The following ZNF439 variants were observed in gnomAD, a reference collection of about 807,000 sequenced individuals.
ZNF439 encodes zinc finger protein 439.
A neutral mutation model predicts 47.3 loss-of-function variants in ZNF439; 40 were observed. The observed-to-expected ratio is 0.85, with a 90% CI of 0.66 to 1.10. ZNF439 has a LOEUF of 1.10. Among genes scored for constraint, ZNF439 ranks in the 50% least tolerant of loss-of-function variants. ZNF439 has a pLI of 0.00. For missense variants in ZNF439, 556 were observed against 601.1 expected, an observed-to-expected ratio of 0.93 and a Z score of 0.78; for synonymous variants, 171 against 198.8, an observed-to-expected ratio of 0.86 and a Z score of 1.18.
chr19:11,861,537 T>G (rs73920390), intron 1 of ZNF439, among the ~76,000 whole-genome samples: 2,714 of 152,200 alleles, frequency 0.018, 67 homozygotes, highest in African/African-American at 0.063. Context: ...TTCTCTGAGT[T>G]CTCAGCTTCT....
intron 1 of ZNF439, among the ~76,000 whole-genome samples, chr19:11,854,748 C>G (rs956125219): frequency 6.6e-6 from 1 of 151,162 alleles, no homozygotes; most frequent in African/African-American, 2.4e-5. Context: ...CAGAGCAAGG[C>G]TCTGTCTCAA....
rs1976148422 is a variant in ZNF439 at position 11,848,935 on chromosome 19, G to A, written c.63+5G>A. 1 of 1,562,404 alleles carries A rather than the reference G, an allele frequency of 6.4e-7. No individual in the cohort carries two copies. The highest frequency in any genetic ancestry group is 1.7e-5 in the Admixed American group (1 of 58,146). On this transcript the variant is annotated splice_donor_5th_base_variant and intron_variant, in intron 1 of 3. Transcript: ENST00000682736. Reference sequence around the variant, plus strand: ...ACATCTGAAAGCCGGGAAATGGTGCGTGTGCTGGCCGGGAGTGGTGCGATG... The same window carrying A: ...ACATCTGAAAGCCGGGAAATGGTGCATGTGCTGGCCGGGAGTGGTGCGATG...
intron 1 of ZNF439, chr19:11,849,295 TG>T (rs1976164845): frequency 2.3e-5 from 23 of 1,006,070 alleles, no homozygotes; most frequent in Non-Finnish European, 2.6e-5. Context: ...CACTTTCTCC[TG>T]TTAAAAATTA....
chr19:11,863,152 C>CTTTTTTTTT (rs34655587), intron 1 of ZNF439, among the ~76,000 whole-genome samples: 14 of 90,060 alleles, frequency 1.6e-4, no homozygotes, highest in East Asian at 2.8e-4. Flanking sequence ...AAAGATTTTG[C>CTTTTTTTTT]TTTTTTTTTT....
chr19:11,860,655 C>G (rs187293911), intron 1 of ZNF439, among the ~76,000 whole-genome samples: 4 of 152,254 alleles, frequency 2.6e-5, no homozygotes, highest in Admixed American at 2.0e-4. Context: ...GTCGGGGGCA[C>G]CTTGCTTCTA....
In ZNF439 at chr19:11,848,744, G is replaced by T. The variant is rs1361551763; in HGVS notation, c.-124G>T. ...CCTGCCCACTGTGCATCCAGGCACG[G>T]AGGATGTTGCATTCCTGCCGTCACC... On this transcript the variant is annotated 5_prime_UTR_variant, in exon 1 of 4. Coordinates refer to ENST00000682736, the MANE Select transcript of ZNF439 (RefSeq NM_001348719.2). The T allele has an allele frequency of 3.3e-6, 4 of 1,222,908 alleles. No homozygotes were observed. The highest frequency in any genetic ancestry group is 3.3e-4 in the Middle Eastern group (1 of 2,986). 75.8% of individuals were successfully genotyped at this position (1,222,908 alleles called of 1,614,324 possible). A position where few individuals can be genotyped will look rare whatever the true frequency, so the allele number is the denominator to read the frequency against.
chr19:11,862,353 G>GA (rs1293525707), intron 1 of ZNF439, among the ~76,000 whole-genome samples: 1 of 151,852 alleles, frequency 6.6e-6, no homozygotes, highest in Non-Finnish European at 1.5e-5. Context: ...AGACTGAGGT[G>GA]AGAAGATTGC....
rs1976752766 is a variant in ZNF439 at position 11,868,064 on chromosome 19, G to C, written c.1010G>C (p.Gly337Ala). Residue 337 changes from glycine (G) to alanine (A), a missense_variant, in exon 4 of 4, where the codon GGG (glycine) becomes GCG (alanine). Coordinates refer to ENST00000682736, the MANE Select transcript of ZNF439 (RefSeq NM_001348719.2). The stretch of plus-strand genomic sequence containing the variant: ...AAACTTTATGAATGTAAGCAGTGTG[G>C]GAAAGCATTATCCTCTCTTACAAGT... ...RKKLYECKQC[G>A]KALSSLTSFQ... 1 of 1,614,036 alleles carries C rather than the reference G, an allele frequency of 6.2e-7. No individual in the cohort carries two copies. Among genetic ancestry groups the C allele is most frequent in the Non-Finnish European group, 8.5e-7 (1 of 1,180,034 alleles).
Position 11,852,319 on chromosome 19 carries a change from T to C in ZNF439, c.63+3389T>C, listed in dbSNP as rs190587626. ...AAAGAGGGAAAGGGTCTTTCCTGTT[T>C]CCCTTCAGTCATTTACAACATTTTA... On this transcript the variant is annotated intron_variant, in intron 1 of 3. Transcript: ENST00000682736. 1.6e-4 allele frequency among the ~76,000 whole-genome samples: 25 copies of C among 152,278 alleles called. No individual in the cohort carries two copies. The East Asian group carries it at 4.8e-3, about 29-fold the overall frequency.
intron 1 of ZNF439, chr19:11,857,347 T>C (rs1353289095): frequency 6.6e-6 from 1 of 152,214 alleles, no homozygotes; most frequent in Non-Finnish European, 1.5e-5. Context: ...AATAATTGCG[T>C]CTGGATCATA....
chr19:11,857,316 T>A (rs969494845), intron 1 of ZNF439: 1 of 152,254 alleles, frequency 6.6e-6, no homozygotes, highest in African/African-American at 2.4e-5. Flanking sequence ...CTGTGGCCTG[T>A]TGTTGGGAAT....
At chr19:11,862,401 G>A (rs949149938) in intron 1 of ZNF439, among the ~76,000 whole-genome samples, 1 of 151,966 alleles carries the variant, frequency 6.6e-6, no homozygotes, top group South Asian at 2.1e-4. Flanking sequence ...GGTAGATACA[G>A]TGTGAGAACT....
intron 1 of ZNF439, chr19:11,865,914 C>T (rs1366533245): frequency 2.9e-6 from 2 of 684,036 alleles, no homozygotes; most frequent in African/African-American, 1.9e-5. Flanking sequence ...GTAATCCCAG[C>T]TACTCGGGAG....
chr19:11,854,661 G>A (rs1160588567), intron 1 of ZNF439, among the ~76,000 whole-genome samples: 1 of 152,166 alleles, frequency 6.6e-6, no homozygotes, highest in Admixed American at 6.5e-5. Flanking sequence ...AGGAGGCTGA[G>A]GCAGGAGAAT....
chr19:11,860,157 T>C (rs944945775), intron 1 of ZNF439, among the ~76,000 whole-genome samples: 3 of 152,128 alleles, frequency 2.0e-5, no homozygotes, highest in Admixed American at 6.5e-5. Context: ...AAGTAAAACT[T>C]TAAGCAACTG....
chr19:11,854,491 G>A (rs1599312398), intron 1 of ZNF439, among the ~76,000 whole-genome samples: 2 of 152,370 alleles, frequency 1.3e-5, no homozygotes, highest in East Asian at 1.9e-4. Flanking sequence ...CAGGCACAGT[G>A]GCTCACGCCT....
chr19:11,853,453 G>T (rs544163528), intron 1 of ZNF439, among the ~76,000 whole-genome samples: 1 of 152,168 alleles, frequency 6.6e-6, no homozygotes, highest in African/African-American at 2.4e-5. Flanking sequence ...GAGAGAAGCG[G>T]GTGGTTGTAG....
intron 1 of ZNF439, among the ~76,000 whole-genome samples, chr19:11,859,413 C>A (rs1976480687): frequency 1.3e-5 from 2 of 152,164 alleles, no homozygotes; most frequent in Admixed American, 1.3e-4. Context: ...ATGATTCTGT[C>A]TAGCCTGGTC....
intron 1 of ZNF439, among the ~76,000 whole-genome samples, chr19:11,855,722 A>G (rs1297412075): frequency 2.6e-5 from 4 of 152,226 alleles, no homozygotes; most frequent in African/African-American, 9.6e-5. Flanking sequence ...CAGGGAAAAC[A>G]TACTGCACAG....
Sources: gnomAD v4.1 joint callset for allele counts (sites outside exome capture counted in the v4.1 genomes callset) on GRCh38, gnomAD v4.1.1 for gene constraint, MANE v1.5 for transcripts, NCBI Gene and HGNC (gene_info 2026-07-23, HGNC 2026-07-21) for gene names.